RIN2: variants seen among roughly 807,000 people sequenced by gnomAD.
The protein encoded by RIN2 is Ras and Rab interactor 2.
In RIN2, 36 loss-of-function variants were observed where a neutral mutation model predicts 78.0. The ratio of observed to expected loss-of-function variants is 0.46; its 90% CI spans 0.35 to 0.61. The LOEUF is 0.61. Among genes scored for constraint, RIN2 ranks in the 20% least tolerant of loss-of-function variants. The pLI, the probability that RIN2 is intolerant of heterozygous loss-of-function variation, is 0.00. For synonymous variants in RIN2, 466 were observed against 466.8 expected, an observed-to-expected ratio of 1.00 and a Z score of 0.02; for missense variants, 1,087 against 1,159.7, an observed-to-expected ratio of 0.94 and a Z score of 0.91.
chr20:19,792,226 A>G (rs879268891), intron 1 of RIN2, among the ~76,000 whole-genome samples: 3 of 152,182 alleles, frequency 2.0e-5, no homozygotes, highest in Non-Finnish European at 4.4e-5. Context: ...TTTAGGGTCT[A>G]CCTGTCTGTA....
Position 19,820,727 on chromosome 20 carries a change from C to G in RIN2, c.-37+20980C>G, listed in dbSNP as rs73605541. On this transcript the variant is annotated intron_variant, in intron 2 of 12. Transcript: ENST00000255006. The stretch of plus-strand genomic sequence containing the variant: ...GGTTCTCTAACTTTCCCATCTGAGT[C>G]CCCTGGGGAGCTGGTGAAAACTCCC... 6.6e-4 allele frequency among the ~76,000 whole-genome samples: 101 copies of G among 152,258 alleles called. 2 individuals carry two copies. The East Asian group carries it at 0.019, about 29-fold the overall frequency.
chr20:20,000,604 C>T lies in RIN2; in HGVS notation c.2365-9C>T. 6.3e-7 allele frequency: 1 copy of T among 1,582,362 alleles called. No homozygotes were observed. The highest frequency in any genetic ancestry group is 1.2e-5 in the South Asian group (1 of 86,826). On this transcript the variant is annotated splice_polypyrimidine_tract_variant and intron_variant, in intron 12 of 12. Transcript: ENST00000255006. ...TCTGACTGTCTCAACATTCCTCTTCCACCTGCAGAATTACCTCCGAGTTGC... is the reference window on the plus strand; with the variant it reads ...TCTGACTGTCTCAACATTCCTCTTCTACCTGCAGAATTACCTCCGAGTTGC...
At chr20:19,867,323 A>G (rs1298330380) in intron 2 of RIN2, among the ~76,000 whole-genome samples, 2 of 152,172 alleles carry the variant, frequency 1.3e-5, no homozygotes, top group African/African-American at 4.8e-5. Context: ...TTACATCATC[A>G]CAATCCAGTT....
intron 3 of RIN2, among the ~76,000 whole-genome samples, chr20:19,916,271 T>G (rs1260023771): frequency 6.6e-6 from 1 of 151,922 alleles, no homozygotes; most frequent in Non-Finnish European, 1.5e-5. Flanking sequence ...AAACTGAAAT[T>G]CCAAATACAG....
intron 1 of RIN2, among the ~76,000 whole-genome samples, chr20:19,763,681 C>T (rs1224732289): frequency 6.6e-6 from 1 of 152,136 alleles, no homozygotes; most frequent in Admixed American, 6.5e-5. Context: ...TGTGGGTATT[C>T]CAGCCTGTGT....
chr20:19,863,671 T>A (rs1007313876), intron 2 of RIN2, among the ~76,000 whole-genome samples: 1 of 152,178 alleles, frequency 6.6e-6, no homozygotes, highest in Non-Finnish European at 1.5e-5. Context: ...AGGACCACTT[T>A]CCCAGAAATT....
At chr20:19,981,741 C>A (rs1205158630) in intron 9 of RIN2, among the ~76,000 whole-genome samples, 1 of 152,176 alleles carries the variant, frequency 6.6e-6, no homozygotes, top group Non-Finnish European at 1.5e-5. Flanking sequence ...GGCCCCTTTC[C>A]TTGCTGGGCT....
At chr20:19,784,840 A>G (rs1000263282) in intron 1 of RIN2, among the ~76,000 whole-genome samples, 3 of 152,158 alleles carry the variant, frequency 2.0e-5, no homozygotes, top group Non-Finnish European at 4.4e-5. Flanking sequence ...TGGGAATACC[A>G]GACAGTGTGA....
At chr20:19,869,081 C>CAAAAAA in intron 2 of RIN2, among the ~76,000 whole-genome samples, 1 of 76,302 alleles carries the variant, frequency 1.3e-5, no homozygotes, top group Non-Finnish European at 2.3e-5. Flanking sequence ...GACTCCGTCT[C>CAAAAAA]AAAAAAAAAA....
At chr20:19,759,054 T>C (rs2033515566) in intron 1 of RIN2, among the ~76,000 whole-genome samples, 1 of 152,234 alleles carries the variant, frequency 6.6e-6, no homozygotes, top group Non-Finnish European at 1.5e-5. Flanking sequence ...CTTCTGGGCT[T>C]GGCCTCCACC....
intron 4 of RIN2, among the ~76,000 whole-genome samples, chr20:19,949,739 C>T (rs1199086825): frequency 1.3e-5 from 2 of 152,168 alleles, no homozygotes; most frequent in South Asian, 2.1e-4. Context: ...TCATAGCATG[C>T]TTTGTCTAGA....
rs368958098 is a variant in RIN2, at chr20:19,896,905, TATC to T, written c.57+7253_57+7255del. On this transcript the variant is annotated intron_variant, in intron 3 of 12. Transcript: ENST00000255006. ...TTGTATTTGGCCTAATATATCAAAA[TATC>T]ATCATGTCAACACATGATAGATATA... Among the ~76,000 whole-genome samples the T allele has an allele frequency of 5.3e-5, 8 of 152,322 alleles. 1 individual carries two copies. Among genetic ancestry groups the T allele is most frequent in the African/African-American group, 1.9e-4 (8 of 41,576 alleles).
intron 2 of RIN2, among the ~76,000 whole-genome samples, chr20:19,840,960 T>G (rs148083648): frequency 1.0e-3 from 154 of 152,288 alleles, no homozygotes; most frequent in Middle Eastern, 3.4e-3. Context: ...GACTTTTGTC[T>G]CACTTTTCTC....
At chr20:19,783,173 T>C (rs1242145527) in intron 1 of RIN2, among the ~76,000 whole-genome samples, 3 of 152,154 alleles carry the variant, frequency 2.0e-5, no homozygotes, top group East Asian at 3.8e-4. Context: ...CAAATATTTG[T>C]TATATTAGAG....
intron 3 of RIN2, among the ~76,000 whole-genome samples, chr20:19,925,996 T>C (rs2040207704): frequency 6.6e-6 from 1 of 152,232 alleles, no homozygotes; most frequent in Admixed American, 6.5e-5. Flanking sequence ...TATATCCCTA[T>C]GGTGGAAAAC....
intron 1 of RIN2, among the ~76,000 whole-genome samples, chr20:19,798,322 G>C (rs1724418733): frequency 6.6e-6 from 1 of 152,114 alleles, no homozygotes; most frequent in Non-Finnish European, 1.5e-5. Context: ...TCAAGGAAGA[G>C]GAGAGGGACA....
intron 3 of RIN2, among the ~76,000 whole-genome samples, chr20:19,915,119 A>AC (rs1568604546): frequency 6.6e-6 from 1 of 152,136 alleles, no homozygotes; most frequent in African/African-American, 2.4e-5. Context: ...AAAAAGAAAA[A>AC]CATTGTTTGG....
intron 2 of RIN2, among the ~76,000 whole-genome samples, chr20:19,834,703 ATTC>A (rs746855445): frequency 6.6e-6 from 1 of 152,192 alleles, no homozygotes; most frequent in Non-Finnish European, 1.5e-5. Context: ...TTTTTGTATT[ATTC>A]TTATCTTTTG....
chr20:19,911,891 A>C (rs371211324), intron 3 of RIN2, among the ~76,000 whole-genome samples: 29 of 152,202 alleles, frequency 1.9e-4, no homozygotes, highest in African/African-American at 7.0e-4. Flanking sequence ...TGTTATCAGA[A>C]TAGGTGAATC....
Sources: allele counts gnomAD v4.1 joint callset (sites outside exome capture counted in the v4.1 genomes callset), GRCh38; gene constraint gnomAD v4.1.1; transcripts MANE v1.5; gene names NCBI Gene and HGNC (gene_info 2026-07-23, HGNC 2026-07-21).